The following CAP1 variants were observed in gnomAD, a reference collection of about 807,000 sequenced individuals.
The protein encoded by CAP1 is adenylyl cyclase-associated protein 1.
A neutral mutation model predicts 58.2 loss-of-function variants in CAP1; 11 were observed. The observed-to-expected ratio is 0.19, with a 90% CI of 0.12 to 0.31. The LOEUF is 0.31. CAP1 is among the 10% of genes least tolerant of loss of function. The probability of loss-of-function intolerance (pLI) is 1.00; values close to 1 mark genes in which losing one functional copy is unlikely to be tolerated. For missense variants in CAP1, 423 were observed against 587.5 expected, an observed-to-expected ratio of 0.72 and a Z score of 2.89; for synonymous variants, 183 against 213.8, an observed-to-expected ratio of 0.86 and a Z score of 1.26.
At chr1:40,061,837 A>G in intron 4 of CAP1, 25 bp downstream of exon 4, 1 of 1,585,554 alleles carries the variant, frequency 6.3e-7, no homozygotes, top group Non-Finnish European at 8.7e-7. Context: ...AGCTGGTTTC[A>G]TTTTGGTTTG....
Position 40,072,284 on chromosome 1 carries a change from C to G in CAP1, c.*751C>G. ...AAAAAAAAAAAAACCCACATGATTT[C>G]AAGGAGTCTGGCATTCCTGAATCCT... On this transcript the variant is annotated 3_prime_UTR_variant, in exon 13 of 13. Coordinates refer to ENST00000372805, the MANE Select transcript of CAP1 (RefSeq NM_006367.4). 2.6e-6 allele frequency: 1 copy of G among 380,446 alleles called. No individual in the cohort carries two copies. Among genetic ancestry groups the G allele is most frequent in the Non-Finnish European group, 4.6e-6 (1 of 217,022 alleles). 23.6% of individuals were successfully genotyped at this position (380,446 alleles called of 1,614,324 possible).
chr1:40,045,849 G>A (rs1244451558), intron 1 of CAP1, among the ~76,000 whole-genome samples: 3 of 152,048 alleles, frequency 2.0e-5, no homozygotes, highest in African/African-American at 2.4e-5. Context: ...CCATGCGCTC[G>A]GCCAAATGTT....
Position 40,066,267 on chromosome 1 carries a change from C to A in CAP1, c.577C>A (p.Leu193Met), listed in dbSNP as rs747213776. 1 of 1,612,142 alleles carries A rather than the reference C, an allele frequency of 6.2e-7. No individual in the cohort carries two copies. Among genetic ancestry groups the A allele is most frequent in the Non-Finnish European group, 8.5e-7 (1 of 1,178,720 alleles). Residue 193 changes from leucine to methionine, a missense_variant, in exon 7 of 13, where the codon CTG becomes ATG. Coordinates refer to ENST00000372805, the MANE Select transcript of CAP1 (RefSeq NM_006367.4). ...VKAYLSIWTE[L>M]QAYIKEFHTT... ...AGCTTATTTAAGTATATGGACAGAG[C>A]TGCAGGCTTACATTAAGGAGTTCCA...
chr1:40,065,545 A>G (rs1647031970), intron 6 of CAP1, among the ~76,000 whole-genome samples: 1 of 152,240 alleles, frequency 6.6e-6, no homozygotes, highest in Non-Finnish European at 1.5e-5. Flanking sequence ...TAAGCATGAC[A>G]GTGTTTTGAT....
chr1:40,070,352 CCCTAT>C, intron 10 of CAP1, 70 bp downstream of exon 10: 2 of 1,608,220 alleles, frequency 1.2e-6, no homozygotes, highest in African/African-American at 1.3e-5. Flanking sequence ...ATTTTACCTA[CCCTAT>C]CCTTAAAGAT....
chr1:40,063,552 A>G (rs1646949045), intron 4 of CAP1, among the ~76,000 whole-genome samples: 1 of 151,560 alleles, frequency 6.6e-6, no homozygotes, highest in Admixed American at 6.6e-5. Flanking sequence ...GGTCTCAAGC[A>G]GTTCTCCTGC....
intron 3 of CAP1, among the ~76,000 whole-genome samples, chr1:40,060,658 AT>A (rs1236666703): frequency 6.6e-6 from 1 of 151,024 alleles, no homozygotes; most frequent in Non-Finnish European, 1.5e-5. Context: ...CTCCTACGTC[AT>A]CACCACCACC....
In CAP1 at chr1:40,069,892, A is replaced by G; in HGVS notation, c.993+18A>G. ...GGAGAGTGGTGAGTTAAAAATACCT[A>G]GACAGGGGCAGGTATTTTTATTATT... On this transcript the variant is annotated intron_variant, in intron 9 of 12. Coordinates refer to ENST00000372805, the MANE Select transcript of CAP1 (RefSeq NM_006367.4). The G allele has an allele frequency of 6.6e-7, 1 of 1,526,404 alleles. No homozygotes were observed. Among genetic ancestry groups the G allele is most frequent in the Admixed American group, 2.3e-5 (1 of 43,898 alleles). The allele number at this position is 1,526,404 out of a possible 1,614,324, so 94.6% of individuals were successfully genotyped here. A position where few individuals can be genotyped will look rare whatever the true frequency, so the allele number is the denominator to read the frequency against.
At chr1:40,061,354 C>T (rs1258505938) in intron 3 of CAP1, among the ~76,000 whole-genome samples, 2 of 152,174 alleles carry the variant, frequency 1.3e-5, no homozygotes, top group East Asian at 1.9e-4. Flanking sequence ...TTTGCCTTTA[C>T]TCCTGTCTCC....
intron 1 of CAP1, among the ~76,000 whole-genome samples, chr1:40,050,845 C>A (rs1249965737): frequency 1.3e-5 from 2 of 152,144 alleles, no homozygotes; most frequent in East Asian, 3.8e-4. Flanking sequence ...ACTCAAAACC[C>A]TTGAATGGCT....
chr1:40,051,395 T>TAC (rs10561660), intron 1 of CAP1, among the ~76,000 whole-genome samples: 10 of 151,042 alleles, frequency 6.6e-5, no homozygotes, highest in South Asian at 2.1e-4. Context: ...ATCACACACA[T>TAC]ACACACACAC....
At chr1:40,044,887 C>T (rs1166351441) in intron 1 of CAP1, among the ~76,000 whole-genome samples, 2 of 150,250 alleles carry the variant, frequency 1.3e-5, no homozygotes. Flanking sequence ...AGCTCAGCCT[C>T]CCGGGTTCAC....
chr1:40,061,156 C>CT (rs34925764), intron 3 of CAP1, among the ~76,000 whole-genome samples: 121,596 of 147,192 alleles, frequency 0.83, 50,074 homozygotes, highest in East Asian at 0.88. Context: ...TTCTGCTGTA[C>CT]TTTTTTTTTT....
At chr1:40,041,445 TC>T (rs1221117945) in intron 1 of CAP1, 1 of 152,188 alleles carries the variant, frequency 6.6e-6, no homozygotes, top group Non-Finnish European at 1.5e-5. Context: ...ATCCTCCCTT[TC>T]CTCCTCGGCT....
intron 1 of CAP1, among the ~76,000 whole-genome samples, chr1:40,048,037 A>G (rs1312604872): frequency 6.6e-6 from 1 of 151,462 alleles, no homozygotes; most frequent in Non-Finnish European, 1.5e-5. Context: ...TTTGGGTTAG[A>G]TTTAGATGGC....
Position 40,062,502 on chromosome 1 carries a change from C to T in CAP1, c.294+690C>T, listed in dbSNP as rs1285537658. On this transcript the variant is annotated intron_variant, in intron 4 of 12. Transcript: ENST00000372805. ...TGCTGGCTCATTCCTGTAATCCCAGCACTTTGGGAGGCTGAGGCAGGAGGA... is the reference window on the plus strand; with the variant it reads ...TGCTGGCTCATTCCTGTAATCCCAGTACTTTGGGAGGCTGAGGCAGGAGGA... Among the ~76,000 whole-genome samples the T allele has an allele frequency of 4.6e-5, 7 of 152,224 alleles. No individual in the cohort carries two copies. In the East Asian group the frequency reaches 9.6e-4, roughly 21 times the overall value.
At chr1:40,048,823 C>T (rs1488351596) in intron 1 of CAP1, among the ~76,000 whole-genome samples, 1 of 152,078 alleles carries the variant, frequency 6.6e-6, no homozygotes, top group Non-Finnish European at 1.5e-5. Context: ...AGGATAAAAC[C>T]TCAGGAACAG....
At chr1:40,055,551 C>G (rs1360472894) in intron 1 of CAP1, among the ~76,000 whole-genome samples, 5 of 151,976 alleles carry the variant, frequency 3.3e-5, no homozygotes, top group Admixed American at 6.6e-5. Flanking sequence ...CTTTGTTGCC[C>G]AGGCTGGAGT....
At chr1:40,055,262 G>A (rs1390598886) in intron 1 of CAP1, among the ~76,000 whole-genome samples, 1 of 152,172 alleles carries the variant, frequency 6.6e-6, no homozygotes, top group Admixed American at 6.6e-5. Context: ...AGATTAAGCA[G>A]GACTAGATGA....
Sources: allele counts gnomAD v4.1 joint callset (sites outside exome capture counted in the v4.1 genomes callset), GRCh38; gene constraint gnomAD v4.1.1; transcripts MANE v1.5; gene names NCBI Gene and HGNC (gene_info 2026-07-23, HGNC 2026-07-21).